MYCBP2: variants seen among roughly 807,000 people sequenced by gnomAD.
MYCBP2 encodes E3 ubiquitin-protein ligase MYCBP2.
MYCBP2 carries 120 observed loss-of-function variants against 525.3 expected under a neutral mutation model. The observed-to-expected ratio is 0.23, with a 90% confidence interval of 0.20 to 0.27. The LOEUF (loss-of-function observed/expected upper bound fraction) is 0.27. Ranked by LOEUF, MYCBP2 falls within the 10% of genes least tolerant of loss-of-function variation. The probability of loss-of-function intolerance (pLI) is 1.00; values close to 1 mark genes in which losing one functional copy is unlikely to be tolerated. For synonymous variants in MYCBP2, 1,894 were observed against 1,955.8 expected, an observed-to-expected ratio of 0.97 and a Z score of 0.83; for missense variants, 4,149 against 5,657.1, an observed-to-expected ratio of 0.73 and a Z score of 8.55.
At chr13:77,233,055 A>T in intron 18 of MYCBP2, 101 bp downstream of exon 18, 1 of 970,996 alleles carries the variant, frequency 1.0e-6, no homozygotes, top group South Asian at 1.5e-5. Flanking sequence ...ATAGAAGCAA[A>T]GTAGAAGAAT....
intron 1 of MYCBP2, among the ~76,000 whole-genome samples, chr13:77,301,826 G>T (rs982439824): frequency 1.3e-5 from 2 of 152,048 alleles, no homozygotes; most frequent in African/African-American, 4.8e-5. Context: ...GTAAAATAAT[G>T]CAATTGGCAA....
intron 17 of MYCBP2, among the ~76,000 whole-genome samples, chr13:77,239,199 A>G (rs9574021): frequency 0.032 from 4,911 of 152,324 alleles, 217 homozygotes; most frequent in East Asian, 0.17. Context: ...ATGAGACAGA[A>G]AAGTCAAGTA....
intron 1 of MYCBP2, among the ~76,000 whole-genome samples, chr13:77,303,157 A>C (rs996761432): frequency 1.3e-5 from 2 of 152,216 alleles, no homozygotes; most frequent in Non-Finnish European, 2.9e-5. Flanking sequence ...ACATGGTGAA[A>C]TACCGTCTCT....
At chr13:77,147,243 G>A (rs1218374526) in intron 47 of MYCBP2, among the ~76,000 whole-genome samples, 1 of 152,054 alleles carries the variant, frequency 6.6e-6, no homozygotes, top group African/African-American at 2.4e-5. Flanking sequence ...CTACACTCAG[G>A]GCAGTGGTTA....
chr13:77,181,689 A>T lies in MYCBP2; in HGVS notation c.4941+12T>A. 6.2e-7 allele frequency: 1 copy of T among 1,610,796 alleles called. No individual in the cohort carries two copies. Among genetic ancestry groups the T allele is most frequent in the Non-Finnish European group, 8.5e-7 (1 of 1,178,028 alleles). On this transcript the variant is annotated intron_variant, in intron 33 of 82. Transcript: ENST00000544440. ...AGTGCCTCTGTATAAAAGATTTCAG[A>T]GACAGACCTACCTGGCTGAGTTTTT... is the stretch of plus-strand genomic sequence containing the variant.
intron 43 of MYCBP2, among the ~76,000 whole-genome samples, chr13:77,162,748 A>G (rs9318465): frequency 1.3e-5 from 2 of 151,782 alleles, no homozygotes; most frequent in East Asian, 1.9e-4. Context: ...CCTCCACCTC[A>G]TGGGTTTAAG....
chr13:77,164,040 T>C (rs573966518), intron 43 of MYCBP2, among the ~76,000 whole-genome samples: 2 of 152,366 alleles, frequency 1.3e-5, no homozygotes, highest in South Asian at 4.1e-4. Context: ...GTCCCATGTC[T>C]TTAAATAACG....
At chr13:77,275,278 C>T (rs1049477741) in intron 4 of MYCBP2, among the ~76,000 whole-genome samples, 1 of 152,180 alleles carries the variant, frequency 6.6e-6, no homozygotes, top group South Asian at 2.1e-4. Flanking sequence ...TTCCTCCTAG[C>T]CCACTAATCA....
intron 71 of MYCBP2, 40 bp from the exon 72 acceptor site, chr13:77,066,128 C>G (rs1412189024): frequency 7.5e-7 from 1 of 1,327,158 alleles, no homozygotes; most frequent in South Asian, 1.2e-5. Context: ...AATAAATTAT[C>G]AGTAGTAGTA....
intron 1 of MYCBP2, among the ~76,000 whole-genome samples, chr13:77,310,574 G>T (rs562435841): frequency 1.3e-5 from 2 of 152,156 alleles, no homozygotes; most frequent in South Asian, 2.1e-4. Context: ...TCATATATAT[G>T]ATTATAGACA....
intron 52 of MYCBP2, among the ~76,000 whole-genome samples, chr13:77,135,976 T>TA (rs1261341648): frequency 6.6e-6 from 1 of 151,948 alleles, no homozygotes; most frequent in Non-Finnish European, 1.5e-5. Context: ...GCTGGGACTA[T>TA]AGGCGTCCAC....
intron 53 of MYCBP2, 33 bp downstream of exon 53, chr13:77,126,285 T>C: frequency 6.3e-7 from 1 of 1,575,708 alleles, no homozygotes; most frequent in East Asian, 2.2e-5. Context: ...AAAATGAGTA[T>C]CTTAGAAGTC....
intron 55 of MYCBP2, among the ~76,000 whole-genome samples, chr13:77,113,448 C>T (rs532457086): frequency 6.6e-6 from 1 of 151,970 alleles, no homozygotes; most frequent in African/African-American, 2.4e-5. Context: ...TCACCATAAC[C>T]TAGCACAGAG....
intron 20 of MYCBP2, among the ~76,000 whole-genome samples, chr13:77,222,341 T>C (rs994638673): frequency 6.6e-6 from 1 of 152,252 alleles, no homozygotes; most frequent in Non-Finnish European, 1.5e-5. Context: ...TAAATATTTA[T>C]GATTGTGATA....
chr13:77,240,921 A>G (rs1472084850), intron 17 of MYCBP2, among the ~76,000 whole-genome samples: 2 of 152,236 alleles, frequency 1.3e-5, no homozygotes, highest in African/African-American at 4.8e-5. Flanking sequence ...TCTACCAAAA[A>G]ATAAGGACAA....
intron 1 of MYCBP2, among the ~76,000 whole-genome samples, chr13:77,300,039 A>C (rs1188286578): frequency 5.3e-5 from 8 of 152,210 alleles, no homozygotes; most frequent in Non-Finnish European, 1.2e-4. Context: ...TATACTTTAT[A>C]CCAAAAATGT....
chr13:77,120,150 G>A (rs912620391), intron 55 of MYCBP2, among the ~76,000 whole-genome samples: 6 of 151,994 alleles, frequency 3.9e-5, no homozygotes, highest in Admixed American at 6.6e-5. Flanking sequence ...ATATAGTAGC[G>A]GTAAGCAAAT....
chr13:77,261,150 A>G (rs377308267), intron 12 of MYCBP2, 21 bp downstream of exon 12: 58 of 1,565,628 alleles, frequency 3.7e-5, no homozygotes, highest in Non-Finnish European at 4.6e-5. Context: ...TATTAAATGC[A>G]TAGTTGATCA....
chr13:77,300,111 G>A (rs561894826), intron 1 of MYCBP2, among the ~76,000 whole-genome samples: 120 of 152,240 alleles, frequency 7.9e-4, no homozygotes, highest in Non-Finnish European at 1.5e-3. Context: ...AAGAGATGAA[G>A]GAGACTGAGG....
Sources: gnomAD v4.1 joint callset for allele counts (sites outside exome capture counted in the v4.1 genomes callset) on GRCh38, gnomAD v4.1.1 for gene constraint, MANE v1.5 for transcripts, NCBI Gene and HGNC (gene_info 2026-07-23, HGNC 2026-07-21) for gene names.